Variants in SHROOM4 observed in about 807,000 individuals in gnomAD.
The protein encoded by SHROOM4 is shroom family member 4.
Under a neutral mutation model 80.3 loss-of-function variants are expected in SHROOM4, and 17 were observed. The ratio of observed to expected loss-of-function variants is 0.21; its 90% CI spans 0.14 to 0.32. SHROOM4 has a LOEUF of 0.32. SHROOM4 is among the 10% of genes least tolerant of loss of function. SHROOM4 has a pLI of 1.00. For missense variants in SHROOM4, 993 were observed against 1,140.3 expected, an observed-to-expected ratio of 0.87 and a Z score of 1.86; for synonymous variants, 400 against 437.5, an observed-to-expected ratio of 0.91 and a Z score of 1.07.
Position 50,590,562 on chromosome X carries a change from C to T in SHROOM4, c.*6133G>A, listed in dbSNP as rs968486870. Reference sequence around the variant, plus strand: ...ACCGCGCCTGGCCGAGACCAGATCCCTTTCTGTCTTTGCTGAGGACACAGC... The same window carrying T: ...ACCGCGCCTGGCCGAGACCAGATCCTTTTCTGTCTTTGCTGAGGACACAGC... On this transcript the variant is annotated 3_prime_UTR_variant, in exon 9 of 9. Coordinates refer to ENST00000376020, the MANE Select transcript of SHROOM4 (RefSeq NM_020717.5). Among the ~76,000 whole-genome samples the T allele has an allele frequency of 8.9e-6, 1 of 111,926 alleles. No homozygotes were observed. The highest frequency in any genetic ancestry group is 1.9e-5 in the Non-Finnish European group (1 of 53,177).
At chrX:50,631,190 T>A (rs1028429649) in intron 4 of SHROOM4, among the ~76,000 whole-genome samples, 1 of 111,506 alleles carries the variant, frequency 9.0e-6, no homozygotes, top group African/African-American at 3.3e-5. Flanking sequence ...GGATAATACA[T>A]CATGACCAAG....
At chrX:50,809,643 G>A (rs1936293187) in intron 1 of SHROOM4, among the ~76,000 whole-genome samples, 1 of 111,969 alleles carries the variant, frequency 8.9e-6, no homozygotes, top group African/African-American at 3.3e-5. Flanking sequence ...TTCTCCTCCA[G>A]GTTACTCCCC....
At chrX:50,648,069 T>A (rs996401350) in intron 2 of SHROOM4, among the ~76,000 whole-genome samples, 6 of 111,992 alleles carry the variant, frequency 5.4e-5, no homozygotes, top group Admixed American at 9.5e-5. Context: ...TTTATAAAGG[T>A]TTGACTTGGC....
Position 50,637,705 on chromosome X carries a change from G to A in SHROOM4, c.404+469C>T, listed in dbSNP as rs56769852. Among the ~76,000 whole-genome samples the A allele has an allele frequency of 9.5e-4, 107 of 112,142 alleles. 1 individual carries two copies. The highest frequency in any genetic ancestry group is 3.3e-3 in the African/African-American group (103 of 30,883). On this transcript the variant is annotated intron_variant, in intron 3 of 8. Coordinates refer to ENST00000376020, the MANE Select transcript of SHROOM4 (RefSeq NM_020717.5). The stretch of plus-strand genomic sequence containing the variant: ...AACGTTGTCTGCCTCTTGGGCAACT[G>A]TTTCAACAATGGTTATTCAGGAAGG...
intron 2 of SHROOM4, chrX:50,643,488 G>T (rs1443270840): frequency 9.0e-6 from 1 of 111,728 alleles, no homozygotes; most frequent in East Asian, 2.8e-4. Flanking sequence ...TGATCCAAGG[G>T]GCTCAGGCAC....
chrX:50,601,739 T>C (rs1268705479), intron 7 of SHROOM4, among the ~76,000 whole-genome samples: 2 of 112,231 alleles, frequency 1.8e-5, no homozygotes, highest in Non-Finnish European at 3.8e-5. Flanking sequence ...TTTTAAGACA[T>C]AATTGACTAT....
chrX:50,668,404 T>A (rs782012712), intron 2 of SHROOM4, among the ~76,000 whole-genome samples: 58 of 111,305 alleles, frequency 5.2e-4, no homozygotes, highest in African/African-American at 1.9e-3. Context: ...CAGGTGTCAA[T>A]AGAGGCCAAG....
chrX:50,730,879 C>T (rs1346669629), intron 1 of SHROOM4, among the ~76,000 whole-genome samples: 5 of 110,654 alleles, frequency 4.5e-5, no homozygotes, highest in Non-Finnish European at 9.4e-5. Context: ...ATAGGAGGGG[C>T]GTCAGAATGA....
At chrX:50,687,283 T>TTTTTTTTTTTTA (rs1491228888) in intron 2 of SHROOM4, 64 of 106,517 alleles carry the variant, frequency 6.0e-4, no homozygotes, top group African/African-American at 2.2e-3. Context: ...TTTTTTTTTT[T>TTTTTTTTTTTTA]AAAAACAGCT....
At chrX:50,758,191 G>T (rs1046047414) in intron 1 of SHROOM4, among the ~76,000 whole-genome samples, 10 of 111,497 alleles carry the variant, frequency 9.0e-5, no homozygotes, top group African/African-American at 3.3e-4. Flanking sequence ...TATTATCTAT[G>T]AATAAAGACA....
At chrX:50,731,939 G>A (rs2147544741) in intron 1 of SHROOM4, among the ~76,000 whole-genome samples, 1 of 112,051 alleles carries the variant, frequency 8.9e-6, no homozygotes, top group East Asian at 2.8e-4. Context: ...ACTATAGGCT[G>A]GCTAGTTTGC....
chrX:50,712,701 C>T (rs1286541407), intron 1 of SHROOM4, among the ~76,000 whole-genome samples: 1 of 111,977 alleles, frequency 8.9e-6, no homozygotes, highest in Admixed American at 9.4e-5. Context: ...ACACTTGACT[C>T]ACTCTCTTGC....
rs782591424 is a variant in SHROOM4 at position 50,610,352 on chromosome X, T to TCTCTCTCTCACACACACACACA, written c.2958-2169_2958-2168insTGTGTGTGTGTGTGAGAGAGAG. On this transcript the variant is annotated intron_variant, in intron 5 of 8. Coordinates refer to ENST00000376020, the MANE Select transcript of SHROOM4 (RefSeq NM_020717.5). ...GGCATATTCTCTCTCTCTCTCTCTCTCACACACACACACACACACACACAC... is the reference window on the plus strand; with the variant it reads ...GGCATATTCTCTCTCTCTCTCTCTCTCTCTCTCTCACACACACACACACACACACACACACACACACACACAC... Among the ~76,000 whole-genome samples, 448 of 91,666 alleles carry TCTCTCTCTCACACACACACACA rather than the reference T, an allele frequency of 4.9e-3. 2 individuals are homozygous for TCTCTCTCTCACACACACACACA. The highest frequency in any genetic ancestry group is 0.019 in the African/African-American group (419 of 21,827). 79.6% of individuals were successfully genotyped at this position (91,666 alleles called of 115,157 possible).
chrX:50,652,163 C>G (rs1322601761), intron 2 of SHROOM4, among the ~76,000 whole-genome samples: 1 of 111,971 alleles, frequency 8.9e-6, no homozygotes, highest in South Asian at 3.8e-4. Flanking sequence ...GCCACACTAT[C>G]TTCCACAATG....
chrX:50,776,088 T>G (rs1268733946), intron 1 of SHROOM4, among the ~76,000 whole-genome samples: 1 of 110,924 alleles, frequency 9.0e-6, no homozygotes, highest in Non-Finnish European at 1.9e-5. Flanking sequence ...CTTGTAGTCT[T>G]CCAATTCAAT....
At chrX:50,762,970 T>C (rs1557269044) in intron 1 of SHROOM4, among the ~76,000 whole-genome samples, 1 of 111,888 alleles carries the variant, frequency 8.9e-6, no homozygotes, top group African/African-American at 3.2e-5. Context: ...TCAGCTATTA[T>C]GCATTCATTT....
At position 50,592,384 on chromosome X, in the gene SHROOM4, G is replaced by A. The variant is rs1557245721; in HGVS notation, c.*4311C>T. ...TATTTTCAAGTTACAATAACTGCAA[G>A]CAAGATAATACTGTTCCCATTTTAC... is the stretch of plus-strand genomic sequence containing the variant. On this transcript the variant is annotated 3_prime_UTR_variant, in exon 9 of 9. Transcript: ENST00000376020. The A allele has an allele frequency of 7.8e-6, 2 of 256,435 alleles. No individual in the cohort carries two copies. Among genetic ancestry groups the A allele is most frequent in the Non-Finnish European group, 1.5e-5 (2 of 137,580 alleles). 21.1% of individuals were successfully genotyped at this position (256,435 alleles called of 1,213,427 possible). A position where few individuals can be genotyped will look rare whatever the true frequency, so the allele number is the denominator to read the frequency against.
intron 2 of SHROOM4, among the ~76,000 whole-genome samples, chrX:50,679,420 C>T (rs1932898483): frequency 9.0e-6 from 1 of 111,715 alleles, no homozygotes; most frequent in African/African-American, 3.2e-5. Flanking sequence ...CTTTTCTATA[C>T]CATCAATTTC....
At chrX:50,813,368 G>A (rs1206766353) in intron 1 of SHROOM4, among the ~76,000 whole-genome samples, 5 of 111,919 alleles carry the variant, frequency 4.5e-5, no homozygotes, top group African/African-American at 9.7e-5. Flanking sequence ...GTGCGCGTCC[G>A]GCCGTGGGAA....
Sources: allele counts gnomAD v4.1 joint callset (sites outside exome capture counted in the v4.1 genomes callset), GRCh38; gene constraint gnomAD v4.1.1; transcripts MANE v1.5; gene names NCBI Gene and HGNC (gene_info 2026-07-23, HGNC 2026-07-21).